The following APC variants were observed in gnomAD, a reference collection of about 807,000 sequenced individuals.
APC encodes the protein APC regulator of Wnt signaling pathway, also known as adenomatous polyposis coli protein.
In APC, 72 loss-of-function variants were observed where a neutral mutation model predicts 247.0. The ratio of observed to expected loss-of-function variants is 0.29; its 90% CI spans 0.24 to 0.35. The LOEUF (loss-of-function observed/expected upper bound fraction) is 0.35, where lower values mean the gene tolerates loss of function less well. Ranked by LOEUF, APC falls within the 10% of genes least tolerant of loss-of-function variation. The pLI is 1.00. For missense variants in APC, 3,400 were observed against 3,360.7 expected, an observed-to-expected ratio of 1.01 and a Z score of -0.29; for synonymous variants, 1,254 against 1,162.5, an observed-to-expected ratio of 1.08 and a Z score of -1.60.
chr5:112,733,752 C>T (rs774990025), upstream of APC, among the ~76,000 whole-genome samples: 11 of 152,246 alleles, frequency 7.2e-5, no homozygotes, highest in East Asian at 5.8e-4. Flanking sequence ...ACATTTAATA[C>T]GCCTAGGAAC....
At chr5:112,768,657 T>A (rs1247870325) in intron 4 of APC, among the ~76,000 whole-genome samples, 2 of 152,192 alleles carry the variant, frequency 1.3e-5, no homozygotes, top group African/African-American at 2.4e-5. Context: ...TTAGGAACAT[T>A]CACTGTCTAC....
intron 14 of APC, among the ~76,000 whole-genome samples, chr5:112,830,164 A>G (rs900294853): frequency 1.3e-5 from 2 of 152,160 alleles, no homozygotes; most frequent in Non-Finnish European, 2.9e-5. Flanking sequence ...TTGAAAATTT[A>G]TTAGATAGAA....
chr5:112,836,969 G>A (rs1425716340), intron 15 of APC, among the ~76,000 whole-genome samples: 1 of 152,194 alleles, frequency 6.6e-6, no homozygotes, highest in Non-Finnish European at 1.5e-5. Flanking sequence ...CTAAAGTGCT[G>A]GGATTACAGG....
intron 2 of APC, among the ~76,000 whole-genome samples, chr5:112,757,225 G>A (rs1208994278): frequency 1.3e-5 from 2 of 151,906 alleles, no homozygotes; most frequent in Non-Finnish European, 2.9e-5. Flanking sequence ...TCTTTTTAAG[G>A]TTTTATGCTG....
intron 2 of APC, among the ~76,000 whole-genome samples, chr5:112,762,760 A>G (rs1378513283): frequency 6.6e-6 from 1 of 152,252 alleles, no homozygotes; most frequent in African/African-American, 2.4e-5. Flanking sequence ...GATAGTGATT[A>G]CATGGGTGTG....
In APC at chr5:112,780,876, C is replaced by T. The variant is rs1554072631; in HGVS notation, c.618C>T (p.Thr206=). ...TTGCGATGGAAGAACAACTAGGTAC[C>T]TGCCAGGATATGGAAAAACGAGCAC... ...IRVAMEEQLG[T]CQDMEKRAQR... is the part of the protein sequence containing the mutation. Residue 206 remains threonine, a synonymous_variant, in exon 6 of 16, where the codon ACC becomes ACT. Coordinates refer to ENST00000257430, the MANE Select transcript of APC (RefSeq NM_000038.6). 1 of 1,612,266 alleles carries T rather than the reference C, an allele frequency of 6.2e-7. No individual in the cohort carries two copies. The highest frequency in any genetic ancestry group is 1.3e-5 in the African/African-American group (1 of 74,968).
At chr5:112,791,254 T>C (rs1225606525) in intron 6 of APC, among the ~76,000 whole-genome samples, 2 of 152,152 alleles carry the variant, frequency 1.3e-5, no homozygotes, top group East Asian at 3.8e-4. Flanking sequence ...GGTCTCCATA[T>C]AGTGGAAAAG....
At chr5:112,812,490 C>T (rs1762087741) in intron 8 of APC, among the ~76,000 whole-genome samples, 1 of 152,188 alleles carries the variant, frequency 6.6e-6, no homozygotes, top group African/African-American at 2.4e-5. Context: ...CCTCTCCACA[C>T]ACACACAAAC....
intron 11 of APC, among the ~76,000 whole-genome samples, chr5:112,824,409 A>C (rs984908581): frequency 6.6e-6 from 1 of 152,234 alleles, no homozygotes; most frequent in Admixed American, 6.5e-5. Context: ...GCCTGAAATC[A>C]AAAAGCACTT....
intron 1 of APC, among the ~76,000 whole-genome samples, chr5:112,745,728 C>T (rs1429455690): frequency 1.3e-5 from 2 of 151,628 alleles, no homozygotes; most frequent in Non-Finnish European, 2.9e-5. Flanking sequence ...CCACCACGCC[C>T]AGCTAATTTT....
At chr5:112,792,062 A>G (rs2149682506) in intron 6 of APC, among the ~76,000 whole-genome samples, 1 of 152,310 alleles carries the variant, frequency 6.6e-6, no homozygotes, top group South Asian at 2.1e-4. Context: ...CCTGGCCAGT[A>G]TGGTGAAACC....
intron 1 of APC, among the ~76,000 whole-genome samples, chr5:112,742,134 CTG>C (rs746979310): frequency 7.9e-5 from 12 of 152,010 alleles, no homozygotes; most frequent in Non-Finnish European, 1.6e-4. Flanking sequence ...GTACTCAAAC[CTG>C]TGTTTTTAAT....
intron 8 of APC, among the ~76,000 whole-genome samples, chr5:112,802,489 A>G (rs1308537198): frequency 2.0e-5 from 3 of 152,102 alleles, no homozygotes; most frequent in Non-Finnish European, 2.9e-5. Context: ...AAATATTTAC[A>G]TAGGAATAGA....
intron 1 of APC, among the ~76,000 whole-genome samples, chr5:112,716,783 T>C (rs2149648679): frequency 6.6e-6 from 1 of 152,348 alleles, no homozygotes; most frequent in African/African-American, 2.4e-5. Context: ...TCAAGTTTCC[T>C]CTTTTATTCT....
chr5:112,735,615 G>A (rs1365660668), upstream of APC, among the ~76,000 whole-genome samples: 2 of 151,862 alleles, frequency 1.3e-5, no homozygotes, highest in Non-Finnish European at 2.9e-5. Flanking sequence ...TAATGCTTCA[G>A]TAATTTTCCA....
rs878853416 is a variant in APC at position 112,819,237 on chromosome 5, G to T, written c.1205G>T (p.Arg402Leu). 1 of 1,613,908 alleles carries T rather than the reference G, an allele frequency of 6.2e-7. No homozygotes were observed. The highest frequency in any genetic ancestry group is 1.3e-5 in the African/African-American group (1 of 75,042). The change falls in exon 10 of 16, where the codon CGT becomes CTT. Residue 402 changes from arginine to leucine, a missense_variant. This residue lies in a region of APC where 199 missense variants were observed against 212.5 expected (regional missense o/e 0.94). Coordinates refer to ENST00000257430, the MANE Select transcript of APC (RefSeq NM_000038.6). ...CAGCCTGATGACAAGAGAGGCAGGC[G>T]TGAAATCCGAGTCCTTCATCTTTTG... is the stretch of plus-strand genomic sequence containing the variant. ...HSQPDDKRGR[R>L]EIRVLHLLEQ...
intron 11 of APC, among the ~76,000 whole-genome samples, chr5:112,823,919 G>C (rs1013430325): frequency 6.6e-6 from 1 of 152,172 alleles, no homozygotes; most frequent in African/African-American, 2.4e-5. Flanking sequence ...GTGATAAGTG[G>C]CCTGGCTGAT....
intron 1 of APC, among the ~76,000 whole-genome samples, chr5:112,727,974 C>A (rs1751885665): frequency 6.6e-6 from 1 of 151,980 alleles, no homozygotes; most frequent in Middle Eastern, 3.2e-3. Flanking sequence ...GAATTTTATC[C>A]CTCCATAGGA....
intron 12 of APC, 48 bp from the exon 13 acceptor site, chr5:112,827,881 C>T: frequency 2.6e-6 from 4 of 1,519,604 alleles, no homozygotes; most frequent in Non-Finnish European, 3.6e-6. Context: ...TAAAGCTTGG[C>T]TTCAAGTTGT....
Sources: allele counts gnomAD v4.1 joint callset (sites outside exome capture counted in the v4.1 genomes callset), GRCh38; gene constraint gnomAD v4.1.1; regional missense constraint gnomAD v4.1.1; transcripts MANE v1.5; gene names NCBI Gene and HGNC (gene_info 2026-07-23, HGNC 2026-07-21).